The following LEO1 variants were observed in gnomAD, a reference collection of about 807,000 sequenced individuals.
LEO1 encodes LEO1 component of Paf1/RNA polymerase II complex.
Under a neutral mutation model 80.4 loss-of-function variants are expected in LEO1, and 34 were observed. That is an observed-to-expected ratio of 0.42 (90% CI 0.32 to 0.56). The LOEUF (loss-of-function observed/expected upper bound fraction) is 0.56. Among genes scored for constraint, LEO1 ranks in the 20% least tolerant of loss-of-function variants. The pLI, the probability that LEO1 is intolerant of heterozygous loss-of-function variation, is 0.10. For synonymous variants in LEO1, 262 were observed against 274.9 expected, an observed-to-expected ratio of 0.95 and a Z score of 0.46; for missense variants, 631 against 814.2, an observed-to-expected ratio of 0.77 and a Z score of 2.74.
Position 51,954,498 on chromosome 15 carries a change from G to A in LEO1, c.1323C>T (p.Val441=). 6.2e-7 allele frequency: 1 copy of A among 1,612,622 alleles called. No homozygotes were observed. The highest frequency in any genetic ancestry group is 8.5e-7 in the Non-Finnish European group (1 of 1,178,660). ...NEIKESNARI[V]KWSDGSMSLH... is the part of the protein sequence containing the mutation. ...GTGCTCACCTTCCATCTGACCACTTGACTATCCGAGCATTGCTTTCTTTAA... is the reference window on the plus strand; with the variant it reads ...GTGCTCACCTTCCATCTGACCACTTAACTATCCGAGCATTGCTTTCTTTAA... The change falls in exon 7 of 12, where the codon GTC becomes GTT. Residue 441 remains valine, a synonymous_variant. Transcript: ENST00000299601.
chr15:51,962,358 AATATACAT>A (rs2057037600), intron 3 of LEO1, 23 bp downstream of exon 3: 1 of 1,370,780 alleles, frequency 7.3e-7, no homozygotes, highest in South Asian at 1.3e-5. Context: ...GAGGTATGGA[AATATACAT>A]ATATATATAA....
At chr15:51,950,030 GGA>G in intron 9 of LEO1, 36 bp from the exon 10 acceptor site, 1 of 1,561,060 alleles carries the variant, frequency 6.4e-7, no homozygotes, top group Non-Finnish European at 8.7e-7. Context: ...AACCTAAAAA[GGA>G]GCTACTTTTG....
chr15:51,962,433 A>G lies in LEO1; in HGVS notation c.875T>C (p.Ile292Thr), dbSNP rs550771039. 6.2e-6 allele frequency: 10 copies of G among 1,613,918 alleles called. No individual in the cohort carries two copies. The African/African-American group carries it at 9.3e-5, about 15-fold the overall frequency. ...ACTATCCGCTTCTGAATCAGATGCA[A>G]TCGCATTCTTGCGTTTCATTCGTAA... ...EVLRMKRKNAIASDSEADSDT... is the reference protein window; with the variant it reads ...EVLRMKRKNATASDSEADSDT... The change falls in exon 3 of 12, where the codon ATT becomes ACT. Residue 292 changes from isoleucine to threonine, a missense_variant. By Grantham distance (89) the Ile-to-Thr change is moderately conservative. Transcript: ENST00000299601.
chr15:51,948,596 T>C (rs1390031868), intron 10 of LEO1, among the ~76,000 whole-genome samples: 2 of 152,244 alleles, frequency 1.3e-5, no homozygotes, highest in African/African-American at 4.8e-5. Context: ...TTACTTGTTA[T>C]ATGCCAGGCT....
At chr15:51,966,962 G>T (rs2057083087) in intron 1 of LEO1, among the ~76,000 whole-genome samples, 1 of 151,844 alleles carries the variant, frequency 6.6e-6, no homozygotes, top group Non-Finnish European at 1.5e-5. Flanking sequence ...AAATCAAAGA[G>T]TCACTAGAGG....
Position 51,961,392 on chromosome 15 carries a change from GGTT to G in LEO1, c.920-662_920-660del, listed in dbSNP as rs551616179. Among the ~76,000 whole-genome samples, 196 of 151,194 alleles carry G rather than the reference GGTT, an allele frequency of 1.3e-3. 3 individuals carry two copies. The highest frequency in any genetic ancestry group is 9.1e-3 in the East Asian group (47 of 5,138). ...TGGTGGTGGTGGTGGTGGTGGTTGC[GGTT>G]GTTGTTGTTGTTTTGAGACAGAGTC... On this transcript the variant is annotated intron_variant, in intron 3 of 11. Coordinates refer to ENST00000299601, the MANE Select transcript of LEO1 (RefSeq NM_138792.4).
intron 2 of LEO1, among the ~76,000 whole-genome samples, chr15:51,963,515 G>GTTCCCTAC (rs1357377204): frequency 6.6e-6 from 1 of 152,114 alleles, no homozygotes; most frequent in Admixed American, 6.5e-5. Context: ...CAGCTACAAG[G>GTTCCCTAC]TTCCCTACTA....
chr15:51,970,803 C>T (rs2057116878), intron 1 of LEO1, among the ~76,000 whole-genome samples: 1 of 152,160 alleles, frequency 6.6e-6, no homozygotes, highest in Non-Finnish European at 1.5e-5. Context: ...TGCAAGAATT[C>T]TGAACTTGGT....
intron 11 of LEO1, among the ~76,000 whole-genome samples, chr15:51,941,813 A>C (rs756309948): frequency 8.5e-5 from 13 of 152,210 alleles, no homozygotes; most frequent in Non-Finnish European, 1.8e-4. Context: ...GTTACTTTCA[A>C]ATCTGTTGTT....
At position 51,971,732 on chromosome 15, in the gene LEO1, T is replaced by G; in HGVS notation, c.14A>C (p.Glu5Ala). 6 of 1,614,152 alleles carry G rather than the reference T, an allele frequency of 3.7e-6. No individual in the cohort carries two copies. Among genetic ancestry groups the G allele is most frequent in the Non-Finnish European group, 5.1e-6 (6 of 1,180,022 alleles). ...GTCGGCGTCGCTCCCGAAGAGATCC[T>G]CCATATCCGCCATTATCGCTCACGT... MADM[E>A]DLFGSDADSE... Residue 5 changes from glutamate (E) to alanine (A), a missense_variant, in exon 1 of 12, where the codon GAG becomes GCG. Glu to Ala is a moderately radical substitution (Grantham distance 107). Around this residue, in one of 4 missense-constraint regions of LEO1, gnomAD observed 394 missense variants for 395.6 expected, o/e 1.00. Transcript: ENST00000299601.
Position 51,961,924 on chromosome 15 carries a change from G to A in LEO1, c.919+465C>T, listed in dbSNP as rs191232350. Among the ~76,000 whole-genome samples the A allele has an allele frequency of 2.9e-3, 443 of 152,042 alleles. 5 individuals carry two copies. Among genetic ancestry groups the A allele is most frequent in the African/African-American group, 0.01 (429 of 41,498 alleles). The stretch of plus-strand genomic sequence containing the variant: ...CGCCTGTAATCCCAGCACTTCGGGA[G>A]GCTGAGGTGGGTGGAACACTTGAGA... On this transcript the variant is annotated intron_variant, in intron 3 of 11. Transcript: ENST00000299601.
At chr15:51,945,760 C>T (rs537719441) in intron 11 of LEO1, among the ~76,000 whole-genome samples, 1 of 152,230 alleles carries the variant, frequency 6.6e-6, no homozygotes, top group Non-Finnish European at 1.5e-5. Flanking sequence ...AGAGGCCAGG[C>T]GCACTGGCTC....
chr15:51,970,589 G>C (rs890895612), intron 1 of LEO1, among the ~76,000 whole-genome samples: 2 of 152,180 alleles, frequency 1.3e-5, no homozygotes, highest in African/African-American at 4.8e-5. Context: ...AAAGAAACCA[G>C]ACACAAAAGA....
At chr15:51,941,611 GT>G (rs2056853154) in intron 11 of LEO1, among the ~76,000 whole-genome samples, 1 of 152,108 alleles carries the variant, frequency 6.6e-6, no homozygotes, top group Non-Finnish European at 1.5e-5. Flanking sequence ...GGAGAACAGA[GT>G]ACCGGCACAC....
At chr15:51,952,033 C>A in intron 8 of LEO1, 54 bp from the exon 9 acceptor site, 1 of 1,501,222 alleles carries the variant, frequency 6.7e-7, no homozygotes, top group Admixed American at 1.9e-5. Flanking sequence ...CATTTGTGAG[C>A]CAGTGATACC....
chr15:51,965,024 C>T (rs2057063851), intron 2 of LEO1, among the ~76,000 whole-genome samples: 1 of 152,128 alleles, frequency 6.6e-6, no homozygotes, highest in Non-Finnish European at 1.5e-5. Context: ...ATACACCCAT[C>T]AATCTGTCTT....
chr15:51,965,921 A>G lies in LEO1; in HGVS notation c.642T>C (p.Asp214=), dbSNP rs151065984. The G allele has an allele frequency of 1.7e-5, 27 of 1,614,164 alleles. No individual in the cohort carries two copies. In the African/African-American group the frequency reaches 3.1e-4, roughly 18 times the overall value. Residue 214 remains aspartate (D), a synonymous_variant, in exon 2 of 12, where the codon GAT becomes GAC. Coordinates refer to ENST00000299601, the MANE Select transcript of LEO1 (RefSeq NM_138792.4). ...LSEEEKANSD[D]ERPVASDNDD... is the part of the protein sequence containing the mutation. ...CATTATCAGAAGCTACCGGCCGTTC[A>G]TCATCAGAATTAGCCTTTTCCTCCT...
At chr15:51,945,333 C>T (rs2056890927) in intron 11 of LEO1, among the ~76,000 whole-genome samples, 1 of 148,852 alleles carries the variant, frequency 6.7e-6, no homozygotes, top group Non-Finnish European at 1.5e-5. Flanking sequence ...TATTTCTGCC[C>T]TCTTCCTCTC....
chr15:51,971,737 A>G lies in LEO1; in HGVS notation c.9T>C (p.Asp3=). Reference sequence around the variant, plus strand: ...CGTCGCTCCCGAAGAGATCCTCCATATCCGCCATTATCGCTCACGTCCGCT... The same window carrying G: ...CGTCGCTCCCGAAGAGATCCTCCATGTCCGCCATTATCGCTCACGTCCGCT... The part of the protein sequence containing the change: MA[D]MEDLFGSDAD... Residue 3 remains aspartate, a synonymous_variant, in exon 1 of 12, where the codon GAT becomes GAC. Transcript: ENST00000299601. The G allele has an allele frequency of 6.2e-7, 1 of 1,614,066 alleles. No homozygotes were observed. The highest frequency in any genetic ancestry group is 1.1e-5 in the South Asian group (1 of 91,078).
Sources: allele counts gnomAD v4.1 joint callset (sites outside exome capture counted in the v4.1 genomes callset), GRCh38; gene constraint gnomAD v4.1.1; regional missense constraint gnomAD v4.1.1; transcripts MANE v1.5; gene names NCBI Gene and HGNC (gene_info 2026-07-23, HGNC 2026-07-21).